The following COLGALT2 variants were observed in gnomAD, a reference collection of about 807,000 sequenced individuals.
COLGALT2 encodes procollagen galactosyltransferase 2.
Under a neutral mutation model 73.4 loss-of-function variants are expected in COLGALT2, and 49 were observed. The ratio of observed to expected loss-of-function variants is 0.67; its 90% CI spans 0.53 to 0.85. The LOEUF (loss-of-function observed/expected upper bound fraction) is 0.85, where lower values mean the gene tolerates loss of function less well. COLGALT2 is among the 40% of genes least tolerant of loss of function. The pLI is 0.00. For missense variants in COLGALT2, 722 were observed against 790.2 expected (o/e 0.91, Z 1.03); for synonymous variants, 295 against 307.6 (o/e 0.96, Z 0.43).
intron 1 of COLGALT2, among the ~76,000 whole-genome samples, chr1:184,020,766 C>T (rs1649156071): frequency 1.3e-5 from 2 of 152,202 alleles, no homozygotes; most frequent in South Asian, 4.1e-4. Flanking sequence ...GGGTCTACAT[C>T]TGTACCACCA....
chr1:183,994,204 A>G (rs1001168898), intron 1 of COLGALT2, among the ~76,000 whole-genome samples: 3 of 150,832 alleles, frequency 2.0e-5, no homozygotes, highest in African/African-American at 7.3e-5. Context: ...ACACTCTACT[A>G]ATTTTTTGTA....
rs894785011 is a variant in COLGALT2, at chr1:183,937,681, A to C, written c.*1080T>G. The stretch of plus-strand genomic sequence containing the variant: ...CCGAACCAATGTGTCCACACCCACC[A>C]CTCCCCCGGGTGCCGTGGAAGTCTG... On this transcript the variant is annotated 3_prime_UTR_variant, in exon 12 of 12. Coordinates refer to ENST00000361927, the MANE Select transcript of COLGALT2 (RefSeq NM_015101.4). The C allele has an allele frequency of 3.0e-6, 3 of 984,362 alleles. No individual in the cohort carries two copies. In the Admixed American group the frequency reaches 1.9e-4, roughly 61 times the overall value. 61.0% of individuals were successfully genotyped at this position (984,362 alleles called of 1,614,324 possible).
At chr1:184,018,291 T>A (rs1649070593) in intron 1 of COLGALT2, among the ~76,000 whole-genome samples, 1 of 151,958 alleles carries the variant, frequency 6.6e-6, no homozygotes, top group Admixed American at 6.6e-5. Context: ...AAAAATTATA[T>A]CTGAGAGATT....
downstream of COLGALT2, among the ~76,000 whole-genome samples, chr1:183,934,732 A>G (rs905652858): frequency 5.9e-5 from 9 of 152,168 alleles, no homozygotes; most frequent in Non-Finnish European, 1.3e-4. Context: ...TCTTTATTTT[A>G]TAGTTACTAG....
intron 8 of COLGALT2, among the ~76,000 whole-genome samples, chr1:183,950,773 C>G (rs1670374863): frequency 6.6e-6 from 1 of 152,172 alleles, no homozygotes; most frequent in African/African-American, 2.4e-5. Flanking sequence ...CAATCACATC[C>G]AATGTGAGCC....
Position 184,037,232 on chromosome 1 carries a change from C to T in COLGALT2, c.126G>A (p.Pro42=), listed in dbSNP as rs529266178. Residue 42 remains proline (P), a synonymous_variant, in exon 1 of 12, where the codon CCG becomes CCA. Coordinates refer to ENST00000361927, the MANE Select transcript of COLGALT2 (RefSeq NM_015101.4). ...ERDSEDDGEE[P]VVFPESPLQS... is the part of the protein sequence containing the mutation. ...GCAGGGGCGACTCCGGGAAAACCAC[C>T]GGCTCCTCTCCGTCGTCCTCCGAGT... 1 of 1,595,180 alleles carries T rather than the reference C, an allele frequency of 6.3e-7. No homozygotes were observed. The highest frequency in any genetic ancestry group is 1.3e-5 in the African/African-American group (1 of 74,354).
At chr1:183,959,485 C>T (rs1670638798) in intron 6 of COLGALT2, among the ~76,000 whole-genome samples, 1 of 152,172 alleles carries the variant, frequency 6.6e-6, no homozygotes, top group Non-Finnish European at 1.5e-5. Flanking sequence ...TTGGACTCAT[C>T]TTGATTCCTT....
chr1:183,963,929 G>A lies in COLGALT2; in HGVS notation c.924C>T (p.Asn308=). ...PHQTLQEDIE[N]LIHVQIEAMI... Reference sequence around the variant, plus strand: ...TTGCTTCAATCTGCACATGGATGAGGTTCTCGATGTCTTCCTGCAGTGTCT... The same window carrying A: ...TTGCTTCAATCTGCACATGGATGAGATTCTCGATGTCTTCCTGCAGTGTCT... The change falls in exon 6 of 12, where the codon AAC becomes AAT. Residue 308 remains asparagine, a synonymous_variant. Transcript: ENST00000361927. The A allele has an allele frequency of 6.2e-7, 1 of 1,611,734 alleles. No homozygotes were observed. The highest frequency in any genetic ancestry group is 8.5e-7 in the Non-Finnish European group (1 of 1,178,834).
At chr1:183,981,792 A>G (rs1251273342) in intron 1 of COLGALT2, among the ~76,000 whole-genome samples, 1 of 152,222 alleles carries the variant, frequency 6.6e-6, no homozygotes, top group Non-Finnish European at 1.5e-5. Context: ...AATAATCTTT[A>G]AGAGAGGGAA....
At chr1:183,972,213 C>T (rs1671056955) in intron 4 of COLGALT2, among the ~76,000 whole-genome samples, 1 of 152,176 alleles carries the variant, frequency 6.6e-6, no homozygotes. Flanking sequence ...TCAAGCAATA[C>T]TCCCTGCTCA....
intron 10 of COLGALT2, 83 bp downstream of exon 10, chr1:183,944,113 G>A: frequency 7.0e-7 from 1 of 1,426,450 alleles, no homozygotes; most frequent in East Asian, 2.5e-5. Flanking sequence ...ATCTCCTACT[G>A]GCTGTGGAGG....
At position 183,985,746 on chromosome 1, in the gene COLGALT2, T is replaced by C. The variant is rs144677793; in HGVS notation, c.264-7226A>G. On this transcript the variant is annotated intron_variant, in intron 1 of 11. Transcript: ENST00000361927. Reference sequence around the variant, plus strand: ...CGACTGATCTATTGATCTTGCTGCCTGAGAACCTGCAAAATACATTCCCCA... The same window carrying C: ...CGACTGATCTATTGATCTTGCTGCCCGAGAACCTGCAAAATACATTCCCCA... Among the ~76,000 whole-genome samples, 408 of 152,266 alleles carry C rather than the reference T, an allele frequency of 2.7e-3. 2 individuals are homozygous for C. The highest frequency in any genetic ancestry group is 6.8e-3 in the Middle Eastern group (2 of 294).
intron 10 of COLGALT2, 68 bp from the exon 11 acceptor site, chr1:183,940,855 G>T (rs1480557216): frequency 1.5e-6 from 2 of 1,362,774 alleles, no homozygotes; most frequent in African/African-American, 1.4e-5. Context: ...ATGAAGCACA[G>T]CTTTGGTTTA....
intron 5 of COLGALT2, among the ~76,000 whole-genome samples, chr1:183,964,763 G>C (rs1670819743): frequency 6.6e-6 from 1 of 152,124 alleles, no homozygotes; most frequent in Non-Finnish European, 1.5e-5. Context: ...TGTTTAACCA[G>C]ACAGCTAGAA....
chr1:184,001,364 T>C lies in COLGALT2; in HGVS notation c.264-22844A>G, dbSNP rs74385157. On this transcript the variant is annotated intron_variant, in intron 1 of 11. Coordinates refer to ENST00000361927, the MANE Select transcript of COLGALT2 (RefSeq NM_015101.4). The stretch of plus-strand genomic sequence containing the variant: ...ATTCATTGGAATCTGGATCTGAAGA[T>C]TGGTATCTTTTATAGATTTTGGAAA... Among the ~76,000 whole-genome samples the C allele has an allele frequency of 2.2e-3, 334 of 152,340 alleles. 1 individual carries two copies. The highest frequency in any genetic ancestry group is 7.5e-3 in the African/African-American group (312 of 41,570).
At chr1:183,984,618 A>C (rs1418829719) in intron 1 of COLGALT2, among the ~76,000 whole-genome samples, 4 of 152,130 alleles carry the variant, frequency 2.6e-5, no homozygotes, top group African/African-American at 7.2e-5. Flanking sequence ...CTCTCTGTCC[A>C]TGAGTCCTGG....
chr1:183,983,779 T>G (rs946109617), intron 1 of COLGALT2, among the ~76,000 whole-genome samples: 27 of 152,066 alleles, frequency 1.8e-4, no homozygotes, highest in African/African-American at 6.0e-4. Flanking sequence ...CCTTGGAAAA[T>G]GAGTACTGCC....
Position 183,951,069 on chromosome 1 carries a change from C to T in COLGALT2, c.1074G>A (p.Arg358=), listed in dbSNP as rs367897089. 16 of 1,613,826 alleles carry T rather than the reference C, an allele frequency of 9.9e-6. No homozygotes were observed. Among genetic ancestry groups the T allele is most frequent in the East Asian group, 2.2e-5 (1 of 44,898 alleles). ...CCTGTTCATACAGTGTGCGCAGCATCCGGTCCCGCCTGTCCTTTCTGCGTT... is the reference window on the plus strand; with the variant it reads ...CCTGTTCATACAGTGTGCGCAGCATTCGGTCCCGCCTGTCCTTTCTGCGTT... The part of the protein sequence containing the change: ...NLKRRKDRRD[R]MLRTLYEQEI... Residue 358 remains arginine (R), a synonymous_variant, in exon 8 of 12, where the codon CGG becomes CGA. Transcript: ENST00000361927.
intron 1 of COLGALT2, among the ~76,000 whole-genome samples, chr1:184,024,114 T>C (rs1225589027): frequency 6.6e-6 from 1 of 152,096 alleles, no homozygotes; most frequent in Non-Finnish European, 1.5e-5. Flanking sequence ...TTTCATGGCA[T>C]TAGTGGTGGA....
Sources: gnomAD v4.1 joint callset for allele counts (sites outside exome capture counted in the v4.1 genomes callset) on GRCh38, gnomAD v4.1.1 for gene constraint, MANE v1.5 for transcripts, NCBI Gene and HGNC (gene_info 2026-07-23, HGNC 2026-07-21) for gene names.